TJP1: variants seen among roughly 807,000 people sequenced by gnomAD.
TJP1 encodes tight junction protein 1, also known as tight junction protein ZO-1.
Under a neutral mutation model 194.2 loss-of-function variants are expected in TJP1, and 43 were observed. The ratio of observed to expected loss-of-function variants is 0.22; its 90% confidence interval spans 0.17 to 0.29. The LOEUF is 0.29. Ranked by LOEUF, TJP1 falls within the 10% of genes least tolerant of loss-of-function variation. The pLI, the probability that TJP1 is intolerant of heterozygous loss-of-function variation, is 1.00. For missense variants in TJP1, 1,971 were observed against 2,185.7 expected (o/e 0.90, Z 1.96); for synonymous variants, 801 against 779.0 (o/e 1.03, Z -0.47).
At position 29,832,039 on chromosome 15, in the gene TJP1, A is replaced by G. The variant is rs376715703; in HGVS notation, c.307-31337T>C. On this transcript the variant is annotated intron_variant, in intron 2 of 28. Coordinates refer to the TJP1 transcript ENST00000356107. Reference sequence around the variant, plus strand: ...CTGTCAGCTAAAATAGGTAGACTGTAAATAATTGCCATACATTATTCCTGT... The same window carrying G: ...CTGTCAGCTAAAATAGGTAGACTGTGAATAATTGCCATACATTATTCCTGT... Among the ~76,000 whole-genome samples the G allele has an allele frequency of 7.2e-5, 11 of 152,304 alleles. No individual in the cohort carries two copies. In the East Asian group the frequency reaches 1.5e-3, roughly 21 times the overall value.
At chr15:29,815,621 A>T (rs1238268036) in intron 1 of TJP1, among the ~76,000 whole-genome samples, 1 of 152,252 alleles carries the variant, frequency 6.6e-6, no homozygotes, top group Non-Finnish European at 1.5e-5. Flanking sequence ...GTGGCACTAC[A>T]CATGAATTTA....
intron 2 of TJP1, among the ~76,000 whole-genome samples, chr15:29,888,668 C>A (rs1343451919): frequency 6.6e-6 from 1 of 152,136 alleles, no homozygotes; most frequent in Non-Finnish European, 1.5e-5. Context: ...GATAAAAGTT[C>A]TTTATTGTTT....
chr15:29,949,601 ACCT>A (rs1445135417), intron 2 of TJP1, among the ~76,000 whole-genome samples: 28 of 62,894 alleles, frequency 4.5e-4, no homozygotes, highest in Non-Finnish European at 6.7e-4. Flanking sequence ...CACAACCACC[ACCT>A]CCACCTTCAC....
At chr15:29,780,560 G>C (rs2047303890) in intron 2 of TJP1, among the ~76,000 whole-genome samples, 1 of 152,162 alleles carries the variant, frequency 6.6e-6, no homozygotes, top group Admixed American at 6.5e-5. Context: ...GTACATCTCT[G>C]TGGCCTGGGG....
At chr15:29,922,323 A>T (rs2054392266) in intron 2 of TJP1, among the ~76,000 whole-genome samples, 1 of 152,160 alleles carries the variant, frequency 6.6e-6, no homozygotes, top group African/African-American at 2.4e-5. Context: ...TCTCTACAGA[A>T]AATTTTTAAT....
intron 2 of TJP1, among the ~76,000 whole-genome samples, chr15:29,903,865 GGAAAATTTGCTT>G (rs1449196759): frequency 6.6e-6 from 1 of 152,166 alleles, no homozygotes; most frequent in African/African-American, 2.4e-5. Context: ...ATTCCTTTAT[GGAAAATTTGCTT>G]GTAAAAATCC....
chr15:29,769,365 T>G (rs1282968959), intron 4 of TJP1, among the ~76,000 whole-genome samples: 1 of 152,244 alleles, frequency 6.6e-6, no homozygotes, highest in Admixed American at 6.5e-5. Context: ...CTATTGATTT[T>G]CTGAAGGACA....
chr15:29,828,826 C>CG (rs1286734460), intron 2 of TJP1, among the ~76,000 whole-genome samples: 1 of 151,480 alleles, frequency 6.6e-6, no homozygotes. Context: ...CTCCACTTCA[C>CG]GGGTTCAAGA....
chr15:29,807,767 T>C (rs1176203038), intron 1 of TJP1, among the ~76,000 whole-genome samples: 1 of 152,138 alleles, frequency 6.6e-6, no homozygotes, highest in East Asian at 1.9e-4. Flanking sequence ...ATAAATCTAA[T>C]ATTTTAAAAT....
chr15:29,718,056 C>T lies in TJP1; in HGVS notation c.3939G>A (p.Gln1313=), dbSNP rs759822810. The T allele has an allele frequency of 2.8e-5, 45 of 1,608,724 alleles. 2 individuals carry two copies. The Middle Eastern group carries it at 4.9e-4, about 18-fold the overall frequency. ...APIIGPKPTS[Q]NQFSEHDKTL... ...TTTTGTCATGTTCACTGAATTGATTCTGAGAAGTGGGTTTGGGACCAATGA... is the reference window on the plus strand; with the variant it reads ...TTTTGTCATGTTCACTGAATTGATTTTGAGAAGTGGGTTTGGGACCAATGA... The change falls in exon 22 of 28, where the codon CAG becomes CAA. Residue 1313 remains glutamine, a synonymous_variant. Transcript: ENST00000614355.
chr15:29,809,183 A>G (rs2049318972), intron 1 of TJP1, among the ~76,000 whole-genome samples: 1 of 152,238 alleles, frequency 6.6e-6, no homozygotes, highest in African/African-American at 2.4e-5. Context: ...TCTCACCTAT[A>G]ATTTTATATC....
intron 8 of TJP1, among the ~76,000 whole-genome samples, chr15:29,746,385 A>G (rs1361458991): frequency 6.6e-6 from 1 of 152,060 alleles, no homozygotes; most frequent in African/African-American, 2.4e-5. Flanking sequence ...CTCAAAAAAA[A>G]AAAAAGAAAG....
At chr15:29,882,900 G>C (rs2052989100) in intron 2 of TJP1, among the ~76,000 whole-genome samples, 1 of 152,178 alleles carries the variant, frequency 6.6e-6, no homozygotes, top group African/African-American at 2.4e-5. Context: ...ATGCCTTCCA[G>C]ACATTTCCCT....
At chr15:29,721,611 A>T (rs1054580580) in intron 18 of TJP1, among the ~76,000 whole-genome samples, 1 of 152,224 alleles carries the variant, frequency 6.6e-6, no homozygotes, top group Non-Finnish European at 1.5e-5. Context: ...TGCCAAAAAG[A>T]TACCTGAAAA....
At chr15:29,720,765 C>T in intron 18 of TJP1, 57 bp from the exon 19 acceptor site, 1 of 1,339,426 alleles carries the variant, frequency 7.5e-7, no homozygotes, top group South Asian at 1.4e-5. Context: ...AAGAGATGGC[C>T]TTTATCGTAC....
At chr15:29,714,201 T>G (rs2042409785) in intron 23 of TJP1, among the ~76,000 whole-genome samples, 1 of 152,192 alleles carries the variant, frequency 6.6e-6, no homozygotes, top group Non-Finnish European at 1.5e-5. Context: ...GCATTTTGAT[T>G]GATTCCCTGG....
intron 2 of TJP1, among the ~76,000 whole-genome samples, chr15:29,921,846 T>G (rs899954529): frequency 2.9e-5 from 4 of 138,910 alleles, no homozygotes; most frequent in Non-Finnish European, 6.4e-5. Context: ...TTTCTTTCTT[T>G]CTTTTTTTTT....
intron 1 of TJP1, among the ~76,000 whole-genome samples, chr15:29,804,894 C>T (rs1037201722): frequency 6.6e-6 from 1 of 152,128 alleles, no homozygotes; most frequent in Admixed American, 6.5e-5. Context: ...ATGAACTAGA[C>T]CAGGCATAAG....
chr15:29,832,141 C>A (rs1446462334), intron 2 of TJP1, among the ~76,000 whole-genome samples: 1 of 152,078 alleles, frequency 6.6e-6, no homozygotes, highest in Admixed American at 6.6e-5. Flanking sequence ...ATCTGGTCAG[C>A]AGTGAGAACT....
Sources: allele counts gnomAD v4.1 joint callset (sites outside exome capture counted in the v4.1 genomes callset), GRCh38; gene constraint gnomAD v4.1.1; transcripts MANE v1.5; gene names NCBI Gene and HGNC (gene_info 2026-07-23, HGNC 2026-07-21).